Variants in PELI2 observed in about 807,000 individuals in gnomAD.
PELI2 encodes the protein E3 ubiquitin-protein ligase pellino homolog 2.
In PELI2, 23 loss-of-function variants were observed where a neutral mutation model predicts 42.3. That is an observed-to-expected ratio of 0.54 (90% CI 0.39 to 0.77). PELI2 has a LOEUF of 0.77. PELI2 is among the 30% of genes least tolerant of loss of function. The pLI is 0.00. For synonymous variants in PELI2, 245 were observed against 212.2 expected, an observed-to-expected ratio of 1.15 and a Z score of -1.34; for missense variants, 463 against 553.2, an observed-to-expected ratio of 0.84 and a Z score of 1.64.
chr14:56,224,441 G>A (rs1183784381), intron 2 of PELI2, among the ~76,000 whole-genome samples: 1 of 152,170 alleles, frequency 6.6e-6, no homozygotes, highest in African/African-American at 2.4e-5. Context: ...GCCCTCTGGT[G>A]TCTTTTTAAA....
intron 3 of PELI2, among the ~76,000 whole-genome samples, chr14:56,282,906 G>T (rs1308358718): frequency 6.6e-6 from 1 of 151,942 alleles, no homozygotes. Context: ...AGATTTTAAA[G>T]ATTTTTTTTA....
chr14:56,127,106 A>G (rs1300937319), intron 1 of PELI2, among the ~76,000 whole-genome samples: 1 of 152,222 alleles, frequency 6.6e-6, no homozygotes, highest in Non-Finnish European at 1.5e-5. Flanking sequence ...TTTATAATTT[A>G]TAAGTCATCT....
intron 3 of PELI2, among the ~76,000 whole-genome samples, chr14:56,286,526 C>T (rs745483215): frequency 6.6e-6 from 1 of 152,118 alleles, no homozygotes; most frequent in Admixed American, 6.5e-5. Context: ...ATATGACTAC[C>T]GGCATTCTGT....
intron 1 of PELI2, among the ~76,000 whole-genome samples, chr14:56,170,256 G>A (rs1436599302): frequency 1.3e-5 from 2 of 152,160 alleles, no homozygotes; most frequent in Non-Finnish European, 2.9e-5. Context: ...CTCCACTTCT[G>A]GAGCCCACAT....
chr14:56,200,051 A>G (rs1886276660), intron 2 of PELI2, among the ~76,000 whole-genome samples: 1 of 120,920 alleles, frequency 8.3e-6, no homozygotes, highest in Admixed American at 9.3e-5. Flanking sequence ...AAGAGTTCTT[A>G]CAATACAGGG....
At chr14:56,279,827 C>A in intron 3 of PELI2, 50 bp downstream of exon 3, 1 of 928,506 alleles carries the variant, frequency 1.1e-6, no homozygotes, top group Non-Finnish European at 1.7e-6. Flanking sequence ...TCCTTTAATT[C>A]TCTATTTTTT....
At position 56,295,481 on chromosome 14, in the gene PELI2, A is replaced by G. The variant is rs76378705; in HGVS notation, c.697-1119A>G. Reference sequence around the variant, plus strand: ...CTTCTCCCTGCTGTGCCTTCCTGCTATCCTCCCTACTGAGGCCTGACATCT... The same window carrying G: ...CTTCTCCCTGCTGTGCCTTCCTGCTGTCCTCCCTACTGAGGCCTGACATCT... On this transcript the variant is annotated intron_variant, in intron 5 of 5. Coordinates refer to ENST00000267460, the MANE Select transcript of PELI2 (RefSeq NM_021255.3). Among the ~76,000 whole-genome samples, 853 of 152,236 alleles carry G rather than the reference A, an allele frequency of 5.6e-3. 7 individuals carry two copies. Among genetic ancestry groups the G allele is most frequent in the African/African-American group, 0.019 (785 of 41,532 alleles).
rs140537380 is a variant in PELI2, at chr14:56,252,649, A to G, written c.208-27027A>G. ...GCTTCTTGCAAGAGAGAGGAGATAG[A>G]GGGAGAGCGAGACGTCTGGAAAAAA... On this transcript the variant is annotated intron_variant, in intron 2 of 5. Coordinates refer to ENST00000267460, the MANE Select transcript of PELI2 (RefSeq NM_021255.3). Among the ~76,000 whole-genome samples, 93 of 152,226 alleles carry G rather than the reference A, an allele frequency of 6.1e-4. No homozygotes were observed. The Middle Eastern group carries it at 0.01, about 17-fold the overall frequency.
chr14:56,142,405 TAATACTTAG>T (rs1263021233), intron 1 of PELI2, among the ~76,000 whole-genome samples: 1 of 152,104 alleles, frequency 6.6e-6, no homozygotes, highest in South Asian at 2.1e-4. Context: ...GTTAGGAATT[TAATACTTAG>T]AAGTGGTGGT....
chr14:56,203,202 C>T (rs183318092), intron 2 of PELI2, among the ~76,000 whole-genome samples: 1 of 152,004 alleles, frequency 6.6e-6, no homozygotes, highest in Non-Finnish European at 1.5e-5. Context: ...CCAGGCATCA[C>T]AGTGGCACAT....
intron 1 of PELI2, among the ~76,000 whole-genome samples, chr14:56,172,825 C>T (rs943319524): frequency 1.3e-5 from 2 of 152,150 alleles, no homozygotes; most frequent in Non-Finnish European, 2.9e-5. Context: ...TTTTCCAAAT[C>T]GTGGTTGTGC....
intron 1 of PELI2, among the ~76,000 whole-genome samples, chr14:56,168,263 G>GC (rs35910825): frequency 7.2e-4 from 109 of 151,566 alleles, no homozygotes; most frequent in Non-Finnish European, 1.0e-3. Flanking sequence ...TGAGCAGCGT[G>GC]CCCCCCCCCA....
intron 1 of PELI2, among the ~76,000 whole-genome samples, chr14:56,141,419 C>T (rs114788494): frequency 4.1e-4 from 63 of 152,256 alleles, no homozygotes; most frequent in Middle Eastern, 3.4e-3. Flanking sequence ...AACATCTTTT[C>T]GTCTTTGGTC....
intron 2 of PELI2, among the ~76,000 whole-genome samples, chr14:56,182,784 A>T (rs1351463059): frequency 6.6e-6 from 1 of 152,182 alleles, no homozygotes; most frequent in Non-Finnish European, 1.5e-5. Flanking sequence ...TACAACAGTA[A>T]CCGTGAGAAG....
At chr14:56,259,730 C>T (rs970939197) in intron 2 of PELI2, among the ~76,000 whole-genome samples, 2 of 152,034 alleles carry the variant, frequency 1.3e-5, no homozygotes, top group East Asian at 3.9e-4. Context: ...ATAGAAAATC[C>T]TACAGTAGAA....
intron 2 of PELI2, among the ~76,000 whole-genome samples, chr14:56,270,728 T>C (rs1889074122): frequency 6.6e-6 from 1 of 152,226 alleles, no homozygotes; most frequent in Admixed American, 6.5e-5. Flanking sequence ...TTAAATCCAG[T>C]GAAATCAGTG....
chr14:56,295,693 G>C (rs1395244761), intron 5 of PELI2, among the ~76,000 whole-genome samples: 1 of 152,306 alleles, frequency 6.6e-6, no homozygotes, highest in East Asian at 1.9e-4. Context: ...GGAAACTGAG[G>C]CACGAGGAGT....
chr14:56,130,767 A>G (rs994645156), intron 1 of PELI2, among the ~76,000 whole-genome samples: 1 of 152,172 alleles, frequency 6.6e-6, no homozygotes, highest in South Asian at 2.1e-4. Context: ...TGGATGTTGG[A>G]TAAAGGCAGG....
intron 2 of PELI2, among the ~76,000 whole-genome samples, chr14:56,259,263 A>C (rs931900148): frequency 6.6e-6 from 1 of 152,180 alleles, no homozygotes; most frequent in Non-Finnish European, 1.5e-5. Context: ...ATGGAAATTT[A>C]GATTTATATG....
Sources: gnomAD v4.1 joint callset for allele counts (sites outside exome capture counted in the v4.1 genomes callset) on GRCh38, gnomAD v4.1.1 for gene constraint, MANE v1.5 for transcripts, NCBI Gene and HGNC (gene_info 2026-07-23, HGNC 2026-07-21) for gene names.